PCDHA8: variants seen among roughly 807,000 people sequenced by gnomAD.
The protein encoded by PCDHA8 is protocadherin alpha 8, also known as protocadherin alpha-8.
PCDHA8 carries 53 observed loss-of-function variants against 61.8 expected under a neutral mutation model. The observed-to-expected ratio is 0.86, with a 90% CI of 0.69 to 1.08. The LOEUF (loss-of-function observed/expected upper bound fraction) is 1.08, where lower values mean the gene tolerates loss of function less well. Among genes scored for constraint, PCDHA8 ranks in the 50% least tolerant of loss-of-function variants. The pLI is 0.00. For synonymous variants in PCDHA8, 618 were observed against 556.6 expected (o/e 1.11, Z -1.55); for missense variants, 1,293 against 1,245.0 (o/e 1.04, Z -0.58).
chr5:140,875,961 C>G, intron 1 of PCDHA8: 1 of 1,614,004 alleles, frequency 6.2e-7, no homozygotes, highest in Non-Finnish European at 8.5e-7. Flanking sequence ...CGGATATCGG[C>G]GTAAACTCTC....
chr5:140,891,056 T>C (rs2062933451), intron 1 of PCDHA8, among the ~76,000 whole-genome samples: 1 of 152,196 alleles, frequency 6.6e-6, no homozygotes, highest in Non-Finnish European at 1.5e-5. Context: ...CAGCACATAG[T>C]AAATATTATT....
chr5:140,884,428 G>T, intron 1 of PCDHA8: 1 of 1,613,962 alleles, frequency 6.2e-7, no homozygotes, highest in East Asian at 2.2e-5. Flanking sequence ...TGTATACTGC[G>T]CTGCGGTGCT....
At chr5:140,881,563 T>C (rs894982822) in intron 1 of PCDHA8, among the ~76,000 whole-genome samples, 4 of 152,232 alleles carry the variant, frequency 2.6e-5, no homozygotes, top group Non-Finnish European at 5.9e-5. Flanking sequence ...AAATATCTTA[T>C]CTACATCTCA....
intron 1 of PCDHA8, among the ~76,000 whole-genome samples, chr5:140,941,231 C>CTTTCTTTCTTTCTTTCTT (rs2092927472): frequency 2.2e-5 from 3 of 136,876 alleles, no homozygotes; most frequent in African/African-American, 8.3e-5. Context: ...TTCTTTCTTT[C>CTTTCTTTCTTTCTTTCTT]TTTCTTTCTT....
chr5:140,988,009 A>C (rs1223658003), intron 3 of PCDHA8, among the ~76,000 whole-genome samples: 3 of 152,204 alleles, frequency 2.0e-5, no homozygotes, highest in Non-Finnish European at 4.4e-5. Context: ...CCCCAGAAAG[A>C]AAGCATGATT....
rs2150360894 is a variant in PCDHA8, at chr5:140,843,474, A to G, written c.2153A>G (p.Tyr718Cys). 2.5e-6 allele frequency: 4 copies of G among 1,595,796 alleles called. No homozygotes were observed. The East Asian group carries it at 6.7e-5, about 27-fold the overall frequency. ...CTGCTGGTGCTCACGCTGCTGCTGTACACTGCGCTGCGGTGCTCAGCACTG... is the reference window on the plus strand; with the variant it reads ...CTGCTGGTGCTCACGCTGCTGCTGTGCACTGCGCTGCGGTGCTCAGCACTG... ...SSLLVLTLLL[Y>C]TALRCSALPT... The change falls in exon 1 of 4, where the codon TAC becomes TGC. Residue 718 changes from tyrosine (Y) to cysteine (C), a missense_variant. Physicochemically the swap from Tyr to Cys is radical, Grantham distance 194 (BLOSUM62 -2). Transcript: ENST00000531613.
Position 140,883,713 on chromosome 5 carries a change from C to G in PCDHA8, c.2394+39998C>G, listed in dbSNP as rs782438050. ...ATCTTCACGGTGTCTGCTCAGGACG[C>G]GGACGCACAGGAGAACGCGCTGGTC... On this transcript the variant is annotated intron_variant, in intron 1 of 3. Coordinates refer to ENST00000531613, the MANE Select transcript of PCDHA8 (RefSeq NM_018911.3). 2.5e-6 allele frequency: 4 copies of G among 1,613,520 alleles called. No homozygotes were observed. The East Asian group carries it at 8.9e-5, about 36-fold the overall frequency.
At chr5:140,886,254 CTATT>C (rs1407308299) in intron 1 of PCDHA8, among the ~76,000 whole-genome samples, 1 of 151,720 alleles carries the variant, frequency 6.6e-6, no homozygotes, top group African/African-American at 2.4e-5. Context: ...AAAAGTATCT[CTATT>C]TATAGATAAA....
chr5:140,871,143 G>C (rs2052747767), intron 1 of PCDHA8: 1 of 1,613,356 alleles, frequency 6.2e-7, no homozygotes, highest in South Asian at 1.1e-5. Context: ...CCTCTTCCCG[G>C]ACTTTGGCGG....
intron 1 of PCDHA8, among the ~76,000 whole-genome samples, chr5:140,954,817 T>G (rs1461497595): frequency 1.3e-5 from 2 of 152,224 alleles, no homozygotes; most frequent in Non-Finnish European, 2.9e-5. Flanking sequence ...TGAAATTGCT[T>G]TAGGCACTTT....
chr5:140,897,769 C>T (rs1441051679), intron 1 of PCDHA8, among the ~76,000 whole-genome samples: 2 of 152,198 alleles, frequency 1.3e-5, no homozygotes, highest in Non-Finnish European at 2.9e-5. Flanking sequence ...GCCACACTGA[C>T]TTCCACAATG....
rs1554203742 is a variant in PCDHA8 at position 140,926,854 on chromosome 5, G to A, written c.2395-52095G>A. 10 of 1,520,530 alleles carry A rather than the reference G, an allele frequency of 6.6e-6. No homozygotes were observed. In the South Asian group the frequency reaches 1.3e-4, roughly 20 times the overall value. The allele number at this position is 1,520,530 out of a possible 1,614,324, so 94.2% of individuals were successfully genotyped here. On this transcript the variant is annotated intron_variant, in intron 1 of 3. Transcript: ENST00000531613. Reference sequence around the variant, plus strand: ...GGAGCATGGTCCTGGGTCACCGTTGGTGTAGCGTGTTGGTGGAACGTGGAC... The same window carrying A: ...GGAGCATGGTCCTGGGTCACCGTTGATGTAGCGTGTTGGTGGAACGTGGAC...
chr5:140,935,894 CT>C (rs55841305), intron 1 of PCDHA8, among the ~76,000 whole-genome samples: 1,605 of 136,716 alleles, frequency 0.012, 14 homozygotes, highest in Non-Finnish European at 0.016. Context: ...TCAATATTAT[CT>C]TTTTTTTTTT....
chr5:140,854,223 C>T, intron 1 of PCDHA8: 3 of 631,588 alleles, frequency 4.7e-6, no homozygotes, highest in Non-Finnish European at 5.9e-6. Context: ...TGGACATCTA[C>T]ATTGGGATAT....
intron 1 of PCDHA8, chr5:140,857,472 C>A: frequency 6.3e-7 from 1 of 1,598,636 alleles, no homozygotes; most frequent in Non-Finnish European, 8.6e-7. Flanking sequence ...CACATCTTCA[C>A]GGTGTCTGCG....
intron 1 of PCDHA8, chr5:140,875,776 T>G: frequency 6.2e-7 from 1 of 1,613,910 alleles, no homozygotes; most frequent in Non-Finnish European, 8.5e-7. Context: ...GAGCGCGGAG[T>G]GCAGTATCCA....
chr5:141,003,469 A>G (rs536017033), intron 3 of PCDHA8, among the ~76,000 whole-genome samples: 53 of 152,106 alleles, frequency 3.5e-4, no homozygotes, highest in Admixed American at 2.3e-3. Flanking sequence ...GCACCACCAC[A>G]GTCTCGCTAA....
intron 1 of PCDHA8, chr5:140,851,319 T>C (rs1340345627): frequency 7.1e-6 from 7 of 992,898 alleles, no homozygotes; most frequent in Non-Finnish European, 8.6e-6. Flanking sequence ...GTTACCTTGT[T>C]AAGTTTGTAG....
At position 140,842,201 on chromosome 5, in the gene PCDHA8, A is replaced by G. The variant is rs2150331632; in HGVS notation, c.880A>G (p.Ser294Gly). The change falls in exon 1 of 4, where the codon AGC (serine) becomes GGC (glycine). Residue 294 changes from serine to glycine, a missense_variant. Transcript: ENST00000531613. Reference sequence around the variant, plus strand: ...TGAAACTATGGTTATTGACCACTTTAGCATAGATCGAAATACGGGAGAAAT... The same window carrying G: ...TGAAACTATGGTTATTGACCACTTTGGCATAGATCGAAATACGGGAGAAAT... ...LVETMVIDHF[S>G]IDRNTGEIVI... is the part of the protein sequence containing the mutation. 2 of 1,613,740 alleles carry G rather than the reference A, an allele frequency of 1.2e-6. No individual in the cohort carries two copies. Among genetic ancestry groups the G allele is most frequent in the East Asian group, 2.2e-5 (1 of 44,884 alleles).
Sources: allele counts gnomAD v4.1 joint callset (sites outside exome capture counted in the v4.1 genomes callset), GRCh38; gene constraint gnomAD v4.1.1; transcripts MANE v1.5; gene names NCBI Gene and HGNC (gene_info 2026-07-23, HGNC 2026-07-21).